The following ANO5 variants were observed in gnomAD, a reference collection of about 807,000 sequenced individuals.
ANO5 encodes anoctamin-5.
ANO5 carries 109 observed loss-of-function variants against 121.0 expected under a neutral mutation model. The ratio of observed to expected loss-of-function variants is 0.90; its 90% confidence interval spans 0.77 to 1.06. The LOEUF is 1.06. Ranked by LOEUF, ANO5 falls within the 50% of genes least tolerant of loss-of-function variation. The pLI is 0.00. For missense variants in ANO5, 1,064 were observed against 1,078.5 expected (o/e 0.99, Z 0.19); for synonymous variants, 406 against 359.9 (o/e 1.13, Z -1.45).
chr11:22,239,710 C>T lies in ANO5; in HGVS notation c.878+26C>T, dbSNP rs1412247199. 2.0e-6 allele frequency: 3 copies of T among 1,504,634 alleles called. No individual in the cohort carries two copies. The South Asian group carries it at 3.4e-5, about 17-fold the overall frequency. The allele number at this position is 1,504,634 out of a possible 1,614,324, so 93.2% of individuals were successfully genotyped here. ...GTAAGTTTCATACACAGGATCAGAC[C>T]AATTAAAACTTGATAATGTGATTTT... is the stretch of plus-strand genomic sequence containing the variant. On this transcript the variant is annotated intron_variant, in intron 9 of 21. Coordinates refer to ENST00000324559, the MANE Select transcript of ANO5 (RefSeq NM_213599.3).
intron 16 of ANO5, 56 bp downstream of exon 16, chr11:22,262,354 C>A: frequency 6.4e-7 from 1 of 1,572,324 alleles, no homozygotes; most frequent in East Asian, 2.2e-5. Context: ...GTATTAACAA[C>A]TTTCTGTGTG....
chr11:22,272,704 G>A (rs372570321), intron 18 of ANO5, 80 bp from the exon 19 acceptor site: 42 of 1,326,530 alleles, frequency 3.2e-5, no homozygotes, highest in Admixed American at 1.8e-4. Flanking sequence ...CAAAACGAAG[G>A]AAGTAGCAGG....
At chr11:22,234,989 G>C (rs182989899) in intron 7 of ANO5, among the ~76,000 whole-genome samples, 2 of 152,152 alleles carry the variant, frequency 1.3e-5, no homozygotes, top group East Asian at 3.9e-4. Flanking sequence ...CACAAAGAAA[G>C]ATAATCCCTG....
rs1214654846 is a variant in ANO5, at chr11:22,195,464, T to C, written c.40+1932T>C. Among the ~76,000 whole-genome samples, 4 of 152,234 alleles carry C rather than the reference T, an allele frequency of 2.6e-5. No individual in the cohort carries two copies. In the East Asian group the frequency reaches 7.7e-4, roughly 29 times the overall value. ...TATTTTTTGAGACAGGGTCTGGCTC[T>C]ATTGCCCAGGCTGTAATGCAGGGGC... On this transcript the variant is annotated intron_variant, in intron 1 of 21. Coordinates refer to ENST00000324559, the MANE Select transcript of ANO5 (RefSeq NM_213599.3).
At chr11:22,225,212 C>T in intron 5 of ANO5, among the ~76,000 whole-genome samples, 1 of 152,020 alleles carries the variant, frequency 6.6e-6, no homozygotes. Context: ...AATCCCAGTG[C>T]TTTGGCAGGC....
At chr11:22,251,195 G>T (rs143361001) in intron 12 of ANO5, among the ~76,000 whole-genome samples, 184 bp downstream of exon 12, 1 of 152,234 alleles carries the variant, frequency 6.6e-6, no homozygotes, top group East Asian at 1.9e-4. Flanking sequence ...GTCCACAAAG[G>T]TCTCTGTTAA....
intron 4 of ANO5, among the ~76,000 whole-genome samples, chr11:22,219,744 G>C (rs1377879057): frequency 6.6e-6 from 1 of 151,876 alleles, no homozygotes; most frequent in African/African-American, 2.4e-5. Flanking sequence ...TCAAAGTATA[G>C]TGTGATAGCA....
chr11:22,246,070 G>A (rs953457018), intron 9 of ANO5, among the ~76,000 whole-genome samples: 16 of 151,940 alleles, frequency 1.1e-4, no homozygotes, highest in Admixed American at 2.0e-4. Context: ...TCATTTCTAC[G>A]AGATTCTAAC....
intron 17 of ANO5, among the ~76,000 whole-genome samples, chr11:22,266,787 T>C (rs191404546): frequency 2.1e-3 from 321 of 152,292 alleles, no homozygotes; most frequent in African/African-American, 7.2e-3. Context: ...ACTGATATAA[T>C]TCTTAGTTGT....
intron 9 of ANO5, among the ~76,000 whole-genome samples, chr11:22,247,225 G>A (rs1210391418): frequency 6.6e-6 from 1 of 152,030 alleles, no homozygotes; most frequent in African/African-American, 2.4e-5. Flanking sequence ...ACACACAAGA[G>A]CATTGTGTGT....
chr11:22,242,647 G>A (rs1355198112), intron 9 of ANO5, among the ~76,000 whole-genome samples: 1 of 151,820 alleles, frequency 6.6e-6, no homozygotes, highest in African/African-American at 2.4e-5. Flanking sequence ...TTCATTTTTT[G>A]TGGCTATTGA....
At chr11:22,213,472 A>G (rs1852346198) in intron 3 of ANO5, among the ~76,000 whole-genome samples, 1 of 151,432 alleles carries the variant, frequency 6.6e-6, no homozygotes, top group Non-Finnish European at 1.5e-5. Flanking sequence ...CTTGGATTAT[A>G]TGTTTTTGGA....
intron 9 of ANO5, among the ~76,000 whole-genome samples, chr11:22,243,118 AG>A (rs1314200040): frequency 6.6e-6 from 1 of 151,980 alleles, no homozygotes; most frequent in African/African-American, 2.4e-5. Context: ...ATGAATGGAA[AG>A]GGATGCTGAA....
intron 8 of ANO5, among the ~76,000 whole-genome samples, chr11:22,238,788 A>G (rs1590264814): frequency 6.6e-6 from 1 of 152,026 alleles, no homozygotes; most frequent in African/African-American, 2.4e-5. Context: ...CATGTGCACA[A>G]TGTGCAGGTT....
chr11:22,222,598 CCT>C (rs1002584276), intron 5 of ANO5, among the ~76,000 whole-genome samples: 4 of 151,740 alleles, frequency 2.6e-5, no homozygotes, highest in Non-Finnish European at 5.9e-5. Flanking sequence ...CTCTTATTCC[CCT>C]CTCACTCTTT....
At chr11:22,243,630 T>G (rs1853508461) in intron 9 of ANO5, among the ~76,000 whole-genome samples, 1 of 137,292 alleles carries the variant, frequency 7.3e-6, no homozygotes, top group Admixed American at 7.4e-5. Context: ...TTTTACTTTC[T>G]TCCTGGTTTA....
At chr11:22,252,221 A>G (rs991315950) in intron 12 of ANO5, among the ~76,000 whole-genome samples, 1 of 152,082 alleles carries the variant, frequency 6.6e-6, no homozygotes, top group Non-Finnish European at 1.5e-5. Flanking sequence ...AATCTTATTA[A>G]TGGTTTAACA....
rs370241354 is a variant in ANO5 at position 22,259,662 on chromosome 11, A to C, written c.1551A>C (p.Thr517=). ...CTCCTCAGATAACCACATCACTCAC[A>C]GGATCATGCTTGAACTTTATTGTCA... ...FLTPQITTSL[T]GSCLNFIVIL... Residue 517 remains threonine (T), a synonymous_variant, in exon 15 of 22, where the codon ACA becomes ACC. Coordinates refer to ENST00000324559, the MANE Select transcript of ANO5 (RefSeq NM_213599.3). 1 of 1,614,134 alleles carries C rather than the reference A, an allele frequency of 6.2e-7. No individual in the cohort carries two copies. Among genetic ancestry groups the C allele is most frequent in the Non-Finnish European group, 8.5e-7 (1 of 1,180,006 alleles).
chr11:22,250,435 G>C (rs2133702814), intron 10 of ANO5, 64 bp downstream of exon 10: 1 of 1,592,588 alleles, frequency 6.3e-7, no homozygotes, highest in East Asian at 2.2e-5. Flanking sequence ...TGAAGTTGTT[G>C]TTATTATTTC....
Sources: gnomAD v4.1 joint callset for allele counts (sites outside exome capture counted in the v4.1 genomes callset) on GRCh38, gnomAD v4.1.1 for gene constraint, MANE v1.5 for transcripts, NCBI Gene and HGNC (gene_info 2026-07-23, HGNC 2026-07-21) for gene names.